The following SATB2 variants were observed in gnomAD, a reference collection of about 807,000 sequenced individuals.
SATB2 encodes SATB homeobox 2.
Under a neutral mutation model 73.4 loss-of-function variants are expected in SATB2, and 1 was observed. That is an observed-to-expected ratio of 0.01 (90% CI 0.00 to 0.06). The LOEUF (loss-of-function observed/expected upper bound fraction) is 0.06, where lower values mean the gene tolerates loss of function less well. SATB2 is among the 10% of genes least tolerant of loss of function. The pLI is 1.00. For synonymous variants in SATB2, 397 were observed against 367.0 expected, an observed-to-expected ratio of 1.08 and a Z score of -0.93; for missense variants, 459 against 945.8, an observed-to-expected ratio of 0.49 and a Z score of 6.75.
chr2:199,470,604 A>G (rs768879985), intron 1 of SATB2: 9 of 152,336 alleles, frequency 5.9e-5, no homozygotes, highest in Non-Finnish European at 5.9e-5. Context: ...TGGCTGCTAT[A>G]CACCAACAGC....
intron 5 of SATB2, among the ~76,000 whole-genome samples, chr2:199,372,655 A>C (rs1331242728): frequency 1.3e-5 from 2 of 152,168 alleles, no homozygotes; most frequent in Non-Finnish European, 2.9e-5. Flanking sequence ...AAGAAGGGAG[A>C]CTAACGAATG....
chr2:199,393,520 C>T (rs1002232175), intron 3 of SATB2, among the ~76,000 whole-genome samples: 3 of 152,142 alleles, frequency 2.0e-5, no homozygotes, highest in Admixed American at 2.0e-4. Context: ...TCAACCAAAT[C>T]TTGTGGAATC....
At chr2:199,443,247 TA>T (rs1009020130) in intron 2 of SATB2, among the ~76,000 whole-genome samples, 14 of 149,468 alleles carry the variant, frequency 9.4e-5, no homozygotes, top group African/African-American at 3.4e-4. Flanking sequence ...TTCAAACAAT[TA>T]AAAAAAAACA....
At chr2:199,448,417 A>T (rs973896194) in intron 2 of SATB2, among the ~76,000 whole-genome samples, 2 of 152,178 alleles carry the variant, frequency 1.3e-5, no homozygotes, top group African/African-American at 4.8e-5. Flanking sequence ...TAAAAAAAAA[A>T]TCAATCACAA....
intron 2 of SATB2, among the ~76,000 whole-genome samples, chr2:199,445,487 A>G (rs1416922497): frequency 1.3e-5 from 2 of 152,192 alleles, no homozygotes; most frequent in African/African-American, 2.4e-5. Flanking sequence ...ACTAATGACC[A>G]TTTGTAACAG....
chr2:199,329,965 G>A (rs1310918892), intron 7 of SATB2, among the ~76,000 whole-genome samples: 1 of 152,084 alleles, frequency 6.6e-6, no homozygotes, highest in African/African-American at 2.4e-5. Context: ...ACAGGGTTTA[G>A]GATTATCCTC....
chr2:199,446,263 G>C (rs977013121), intron 2 of SATB2, among the ~76,000 whole-genome samples: 2 of 152,088 alleles, frequency 1.3e-5, no homozygotes, highest in African/African-American at 4.8e-5. Flanking sequence ...TGTATACAGG[G>C]GAGAGGGACA....
At chr2:199,352,956 C>T (rs1259008278) in intron 6 of SATB2, among the ~76,000 whole-genome samples, 8 of 151,994 alleles carry the variant, frequency 5.3e-5, no homozygotes, top group Non-Finnish European at 5.9e-5. Context: ...TGAGACTAGT[C>T]ACCCTTTATG....
At chr2:199,450,187 A>G (rs1422145172) in intron 2 of SATB2, among the ~76,000 whole-genome samples, 1 of 152,064 alleles carries the variant, frequency 6.6e-6, no homozygotes, top group Non-Finnish European at 1.5e-5. Flanking sequence ...TTCTCACACA[A>G]CTCATGAAAT....
intron 2 of SATB2, among the ~76,000 whole-genome samples, chr2:199,441,020 G>A (rs908433478): frequency 1.3e-5 from 2 of 151,874 alleles, no homozygotes; most frequent in African/African-American, 2.4e-5. Flanking sequence ...GGCTAATTTT[G>A]TATTTTTGTA....
Position 199,344,533 on chromosome 2 carries a change from T to C in SATB2, c.1173+4168A>G, listed in dbSNP as rs371989717. ...AACAGACTCTGTCAATATTAGAATG[T>C]ATAAATTAGCTAAGAGTCAAGGGAA... On this transcript the variant is annotated intron_variant, in intron 7 of 10. Transcript: ENST00000417098. Among the ~76,000 whole-genome samples the C allele has an allele frequency of 4.0e-4, 61 of 152,302 alleles. 1 individual carries two copies. Among genetic ancestry groups the C allele is most frequent in the African/African-American group, 1.1e-3 (46 of 41,568 alleles).
intron 10 of SATB2, among the ~76,000 whole-genome samples, chr2:199,300,917 G>A (rs1270290478): frequency 6.6e-6 from 1 of 151,978 alleles, no homozygotes; most frequent in African/African-American, 2.4e-5. Flanking sequence ...GAATTTGGAA[G>A]GCGGTGTGTT....
At chr2:199,337,478 T>C (rs1326928973) in intron 7 of SATB2, among the ~76,000 whole-genome samples, 2 of 152,158 alleles carry the variant, frequency 1.3e-5, no homozygotes, top group South Asian at 2.1e-4. Context: ...TACCAAAGTG[T>C]TTAATACATG....
At chr2:199,432,665 TTTTGTTATTATTTGTTTTGTCAATTC>T (rs1353143367) in intron 3 of SATB2, among the ~76,000 whole-genome samples, 4 of 152,160 alleles carry the variant, frequency 2.6e-5, no homozygotes, top group African/African-American at 9.7e-5. Context: ...TGGGGAGAAT[TTTTGTTATTATTTGTTTTGTCAATTC>T]TTTGGCATGA....
intron 3 of SATB2, among the ~76,000 whole-genome samples, chr2:199,408,435 G>A (rs1174915995): frequency 1.3e-5 from 2 of 152,094 alleles, no homozygotes; most frequent in African/African-American, 4.8e-5. Flanking sequence ...GTGAACATCT[G>A]CTAAAACAAA....
At chr2:199,427,984 CT>C (rs928278825) in intron 3 of SATB2, among the ~76,000 whole-genome samples, 3 of 151,838 alleles carry the variant, frequency 2.0e-5, no homozygotes, top group Non-Finnish European at 2.9e-5. Flanking sequence ...GGTTTCAAAT[CT>C]TTTTTATTTT....
chr2:199,352,964 A>C (rs1256939107), intron 6 of SATB2, among the ~76,000 whole-genome samples: 1 of 151,942 alleles, frequency 6.6e-6, no homozygotes, highest in African/African-American at 2.4e-5. Flanking sequence ...GTCACCCTTT[A>C]TGTTTTTCAG....
intron 7 of SATB2, among the ~76,000 whole-genome samples, chr2:199,338,260 C>T (rs1024739631): frequency 2.0e-5 from 3 of 151,850 alleles, no homozygotes; most frequent in East Asian, 1.9e-4. Flanking sequence ...CCCAGCTACT[C>T]GGGAGGCTGA....
chr2:199,312,457 T>C (rs996290262), intron 9 of SATB2, among the ~76,000 whole-genome samples: 1 of 152,212 alleles, frequency 6.6e-6, no homozygotes, highest in Non-Finnish European at 1.5e-5. Context: ...TGTTTGAGCA[T>C]AGCTAGGAAT....
Sources: allele counts gnomAD v4.1 joint callset (sites outside exome capture counted in the v4.1 genomes callset), GRCh38; gene constraint gnomAD v4.1.1; transcripts MANE v1.5; gene names NCBI Gene and HGNC (gene_info 2026-07-23, HGNC 2026-07-21).